NAV3: variants seen among roughly 807,000 people sequenced by gnomAD.
The protein encoded by NAV3 is pore membrane and/or filament interacting like protein 1.
In NAV3, 87 loss-of-function variants were observed where a neutral mutation model predicts 244.7. That is an observed-to-expected ratio of 0.36 (90% CI 0.30 to 0.42). The LOEUF is 0.42. Among genes scored for constraint, NAV3 ranks in the 20% least tolerant of loss-of-function variants. The probability of loss-of-function intolerance (pLI) is 1.00; values close to 1 mark genes in which losing one functional copy is unlikely to be tolerated. For missense variants in NAV3, 2,663 were observed against 2,893.3 expected, an observed-to-expected ratio of 0.92 and a Z score of 1.83; for synonymous variants, 1,126 against 1,042.2, an observed-to-expected ratio of 1.08 and a Z score of -1.55.
At chr12:78,024,687 C>A (rs1039850587) in intron 9 of NAV3, among the ~76,000 whole-genome samples, 1 of 152,088 alleles carries the variant, frequency 6.6e-6, no homozygotes, top group Non-Finnish European at 1.5e-5. Flanking sequence ...TTAAAAAACA[C>A]AACTTCCTGG....
chr12:78,145,603 T>C (rs1185958124), intron 20 of NAV3, among the ~76,000 whole-genome samples: 1 of 152,102 alleles, frequency 6.6e-6, no homozygotes, highest in Non-Finnish European at 1.5e-5. Context: ...TTTCTGGCAT[T>C]TTGCAGCCCA....
intron 9 of NAV3, 99 bp from the exon 10 acceptor site, chr12:78,049,894 T>C: frequency 5.7e-6 from 4 of 697,250 alleles, no homozygotes; most frequent in Non-Finnish European, 9.8e-6. Flanking sequence ...TTACATATCC[T>C]TTTACTTTTA....
chr12:77,790,847 C>T (rs932052214), intron 2 of NAV3, among the ~76,000 whole-genome samples: 4 of 152,158 alleles, frequency 2.6e-5, no homozygotes, highest in Admixed American at 1.3e-4. Flanking sequence ...GACCACTTCA[C>T]TCAGGGCGAC....
chr12:78,034,405 G>A lies in NAV3; in HGVS notation c.2023+12543G>A, dbSNP rs182591350. 2.4e-3 allele frequency among the ~76,000 whole-genome samples: 366 copies of A among 152,286 alleles called. 7 individuals are homozygous for A. The highest frequency in any genetic ancestry group is 3.5e-3 in the East Asian group (18 of 5,178). On this transcript the variant is annotated intron_variant, in intron 9 of 39. Coordinates refer to ENST00000397909, the MANE Select transcript of NAV3 (RefSeq NM_001024383.2). ...GAAATACAAAGTCCCAGGACCCTCC[G>A]AGTCCAACTGAATGAGCAGTTATGT... is the stretch of plus-strand genomic sequence containing the variant.
intron 1 of NAV3, among the ~76,000 whole-genome samples, chr12:77,910,458 C>G (rs1339174204): frequency 6.6e-6 from 1 of 152,110 alleles, no homozygotes. Context: ...CCATTAGGCC[C>G]TACTTCCAGT....
intron 2 of NAV3, among the ~76,000 whole-genome samples, chr12:77,748,392 C>T (rs1868667072): frequency 6.6e-6 from 1 of 152,112 alleles, no homozygotes; most frequent in South Asian, 2.1e-4. Flanking sequence ...ATGTATACAT[C>T]AAGCTTTCAA....
chr12:77,883,146 TC>T (rs1882869308), intron 1 of NAV3, among the ~76,000 whole-genome samples: 2 of 151,984 alleles, frequency 1.3e-5, no homozygotes, highest in Admixed American at 1.3e-4. Flanking sequence ...CATAAGTTCA[TC>T]CCCATGCTGT....
intron 12 of NAV3, among the ~76,000 whole-genome samples, chr12:78,071,201 A>C (rs1011816322): frequency 1.4e-4 from 21 of 152,158 alleles, no homozygotes; most frequent in South Asian, 2.1e-4. Context: ...TCTCCACATC[A>C]TCTCCAGCAC....
At chr12:77,964,494 T>G (rs1892341244) in intron 3 of NAV3, among the ~76,000 whole-genome samples, 1 of 152,206 alleles carries the variant, frequency 6.6e-6, no homozygotes, top group Admixed American at 6.5e-5. Context: ...TAATTTTTAA[T>G]GGATCTTAAA....
intron 1 of NAV3, among the ~76,000 whole-genome samples, chr12:77,895,309 T>TCG (rs1884452979): frequency 6.7e-6 from 1 of 148,572 alleles, no homozygotes; most frequent in Admixed American, 6.7e-5. Context: ...TTTAGAATGA[T>TCG]TGTGTGTGTG....
chr12:78,047,205 A>C (rs563243106), intron 9 of NAV3, among the ~76,000 whole-genome samples: 1 of 152,142 alleles, frequency 6.6e-6, no homozygotes, highest in South Asian at 2.1e-4. Context: ...AAGAATGTTG[A>C]GGCCAGGTGC....
intron 1 of NAV3, among the ~76,000 whole-genome samples, chr12:77,912,970 T>A (rs1273810928): frequency 6.6e-6 from 1 of 152,130 alleles, no homozygotes; most frequent in Non-Finnish European, 1.5e-5. Context: ...TTCATAATTA[T>A]TTTTATTGTC....
chr12:77,953,469 A>G (rs1283564493), intron 3 of NAV3, among the ~76,000 whole-genome samples: 2 of 152,204 alleles, frequency 1.3e-5, no homozygotes. Flanking sequence ...GTAAATTGTA[A>G]TACCATGATG....
chr12:78,032,690 A>T (rs1318836982), intron 9 of NAV3, among the ~76,000 whole-genome samples: 1 of 152,200 alleles, frequency 6.6e-6, no homozygotes, highest in Non-Finnish European at 1.5e-5. Context: ...GATTCATATC[A>T]TGACCTCAAT....
rs540869749 is a variant in NAV3, at chr12:77,718,830, AT to A, written c.72+146569del. Among the ~76,000 whole-genome samples the A allele has an allele frequency of 9.8e-3, 1,480 of 151,704 alleles. 12 individuals are homozygous for A. The highest frequency in any genetic ancestry group is 0.017 in the Non-Finnish European group (1,141 of 67,870). ...GCACCACCATGCCTAAAAATTTTGT[AT>A]TTTTAGTAGAGATAGGGTTTCTGCA... On this transcript the variant is annotated intron_variant, in intron 2 of 8. Transcript: ENST00000550042.
Position 77,865,742 on chromosome 12 carries a change from A to G in NAV3, c.243+34038A>G, listed in dbSNP as rs140121484. On this transcript the variant is annotated intron_variant, in intron 1 of 39. Coordinates refer to ENST00000397909, the MANE Select transcript of NAV3 (RefSeq NM_001024383.2). ...TCGTTGCTTCTCTCTCTCTCTCTAC[A>G]TATATATATGCATATACACATATAC... Among the ~76,000 whole-genome samples the G allele has an allele frequency of 3.7e-3, 558 of 151,710 alleles. 2 individuals are homozygous for G. Among genetic ancestry groups the G allele is most frequent in the African/African-American group, 0.013 (535 of 41,404 alleles).
chr12:77,845,651 C>CTT (rs36029202), intron 1 of NAV3, among the ~76,000 whole-genome samples: 29 of 129,598 alleles, frequency 2.2e-4, no homozygotes, highest in African/African-American at 2.8e-4. Context: ...TAGGCTAATA[C>CTT]TTTTTTTTTT....
At chr12:78,055,137 A>G (rs1262685135) in intron 11 of NAV3, among the ~76,000 whole-genome samples, 1 of 152,226 alleles carries the variant, frequency 6.6e-6, no homozygotes, top group Non-Finnish European at 1.5e-5. Context: ...TAATATAGAC[A>G]TAGTACGTGC....
At chr12:78,048,834 AG>A (rs1268778725) in intron 9 of NAV3, among the ~76,000 whole-genome samples, 1 of 152,190 alleles carries the variant, frequency 6.6e-6, no homozygotes, top group Non-Finnish European at 1.5e-5. Flanking sequence ...CCCTTCCCCC[AG>A]GTGCTCTGTC....
Sources: gnomAD v4.1 joint callset for allele counts (sites outside exome capture counted in the v4.1 genomes callset) on GRCh38, gnomAD v4.1.1 for gene constraint, MANE v1.5 for transcripts, NCBI Gene and HGNC (gene_info 2026-07-23, HGNC 2026-07-21) for gene names.